The following MARCHF3 variants were observed in gnomAD, a reference collection of about 807,000 sequenced individuals.
MARCHF3 encodes E3 ubiquitin-protein ligase MARCHF3.
MARCHF3 carries 13 observed loss-of-function variants against 24.2 expected under a neutral mutation model. The observed-to-expected ratio is 0.54, with a 90% CI of 0.35 to 0.85. The LOEUF (loss-of-function observed/expected upper bound fraction) is 0.85, where lower values mean the gene tolerates loss of function less well. MARCHF3 is among the 40% of genes least tolerant of loss of function. The pLI is 0.01. For synonymous variants in MARCHF3, 144 were observed against 137.3 expected (o/e 1.05, Z -0.34); for missense variants, 276 against 325.0 (o/e 0.85, Z 1.16).
chr5:126,870,001 T>TGC lies in MARCHF3; in HGVS notation c.*631_*632insGC, dbSNP rs10653982. 0.084 allele frequency: 12,835 copies of TGC among 152,572 alleles called. 1,165 individuals are homozygous for TGC. The highest frequency in any genetic ancestry group is 0.23 in the African/African-American group (9,632 of 41,450). The allele number at this position is 152,572 out of a possible 1,614,324, so 9.5% of individuals were successfully genotyped here. A position where few individuals can be genotyped will look rare whatever the true frequency, so the allele number is the denominator to read the frequency against. On this transcript the variant is annotated 3_prime_UTR_variant, in exon 5 of 5. Transcript: ENST00000308660. ...TAAATAAACAGCTCACTGTGTGAGC[T>TGC]CACGCCCTTTTTCCCTTTAAAAACT...
Position 126,870,606 on chromosome 5 carries a change from TCAAACAAC to T in MARCHF3, c.*19_*26del, listed in dbSNP as rs753330290. On this transcript the variant is annotated 3_prime_UTR_variant, in exon 5 of 5. Coordinates refer to ENST00000308660, the MANE Select transcript of MARCHF3 (RefSeq NM_178450.5). Reference sequence around the variant, plus strand: ...ACACTTCCAAACCCCAAACAATGAATCAAACAACCAACCAACCATACAAACATCAAACA... The same window carrying T: ...ACACTTCCAAACCCCAAACAATGAATCAACCAACCATACAAACATCAAACA... The T allele has an allele frequency of 1.2e-6, 2 of 1,610,534 alleles. No homozygotes were observed. Among genetic ancestry groups the T allele is most frequent in the African/African-American group, 2.7e-5 (2 of 74,716 alleles).
chr5:126,974,945 C>T (rs1177380636), intron 1 of MARCHF3, among the ~76,000 whole-genome samples: 1 of 152,080 alleles, frequency 6.6e-6, no homozygotes, highest in Non-Finnish European at 1.5e-5. Context: ...TGGGATATAA[C>T]ATTCTTTTTT....
At chr5:126,906,717 T>C (rs1444672092) in intron 3 of MARCHF3, among the ~76,000 whole-genome samples, 1 of 152,204 alleles carries the variant, frequency 6.6e-6, no homozygotes, top group Non-Finnish European at 1.5e-5. Context: ...TTTTTTTCTT[T>C]ATTAGTCTTG....
At chr5:126,934,166 TTTC>T (rs1749563992) in intron 1 of MARCHF3, among the ~76,000 whole-genome samples, 2 of 152,314 alleles carry the variant, frequency 1.3e-5, no homozygotes, top group South Asian at 4.1e-4. Context: ...ACCTCTCTAC[TTTC>T]TTCTTATTTA....
chr5:126,979,237 T>C (rs1422851420), intron 1 of MARCHF3, among the ~76,000 whole-genome samples: 1 of 152,176 alleles, frequency 6.6e-6, no homozygotes, highest in Non-Finnish European at 1.5e-5. Context: ...CTGCGGCTCT[T>C]TAGGACATGG....
chr5:126,971,891 T>C (rs915897146), intron 1 of MARCHF3, among the ~76,000 whole-genome samples: 3 of 152,180 alleles, frequency 2.0e-5, no homozygotes, highest in East Asian at 1.9e-4. Context: ...TAAATTACCA[T>C]ATGATTCTTA....
intron 1 of MARCHF3, among the ~76,000 whole-genome samples, chr5:126,926,252 G>A (rs758243762): frequency 6.6e-5 from 10 of 152,114 alleles, no homozygotes; most frequent in Non-Finnish European, 1.0e-4. Context: ...CCTCTTCCTC[G>A]TTTCACCCAG....
At position 126,973,546 on chromosome 5, in the gene MARCHF3, A is replaced by T. The variant is rs2240529; in HGVS notation, c.-56-55319T>A. On this transcript the variant is annotated intron_variant, in intron 1 of 4. Coordinates refer to ENST00000308660, the MANE Select transcript of MARCHF3 (RefSeq NM_178450.5). ...ATCTGAGCTCACCTAGCTAGATGCT[A>T]AAGCAGACAATTGCAGAAGTGCAGA... 8.8e-3 allele frequency among the ~76,000 whole-genome samples: 1,348 copies of T among 152,330 alleles called. 20 individuals carry two copies. Among genetic ancestry groups the T allele is most frequent in the East Asian group, 0.025 (132 of 5,184 alleles).
At chr5:126,903,409 C>T (rs987977935) in intron 3 of MARCHF3, among the ~76,000 whole-genome samples, 3 of 152,034 alleles carry the variant, frequency 2.0e-5, no homozygotes, top group African/African-American at 4.8e-5. Context: ...CACTAGGCTG[C>T]GTTCATGGGT....
chr5:127,006,946 C>T (rs1298630398), intron 1 of MARCHF3, among the ~76,000 whole-genome samples: 3 of 151,912 alleles, frequency 2.0e-5, no homozygotes, highest in Non-Finnish European at 4.4e-5. Context: ...ACCCTGGAAT[C>T]CGTCTCAAGG....
rs892634085 is a variant in MARCHF3, at chr5:127,025,234, C to T, written c.-57+5116G>A. Reference sequence around the variant, plus strand: ...TATAGTGATATTGATCACAGATTTTCCTAAGTACTCCAGGGCAGCCACACT... The same window carrying T: ...TATAGTGATATTGATCACAGATTTTTCTAAGTACTCCAGGGCAGCCACACT... On this transcript the variant is annotated intron_variant, in intron 1 of 4. Coordinates refer to ENST00000308660, the MANE Select transcript of MARCHF3 (RefSeq NM_178450.5). Among the ~76,000 whole-genome samples, 7 of 151,122 alleles carry T rather than the reference C, an allele frequency of 4.6e-5. 1 individual carries two copies. The highest frequency in any genetic ancestry group is 1.3e-4 in the Admixed American group (2 of 15,148).
intron 1 of MARCHF3, among the ~76,000 whole-genome samples, chr5:126,945,504 G>A (rs1749981016): frequency 6.6e-6 from 1 of 152,216 alleles, no homozygotes; most frequent in Non-Finnish European, 1.5e-5. Flanking sequence ...AGAGAGAAGA[G>A]AGTTCCAAGT....
intron 1 of MARCHF3, among the ~76,000 whole-genome samples, chr5:127,005,838 A>C (rs776157545): frequency 2.0e-5 from 3 of 152,186 alleles, no homozygotes; most frequent in Non-Finnish European, 4.4e-5. Context: ...CATATGTACT[A>C]TATTAGGTAC....
chr5:126,874,942 G>A (rs1468728686), intron 4 of MARCHF3, among the ~76,000 whole-genome samples: 2 of 152,186 alleles, frequency 1.3e-5, no homozygotes, highest in Non-Finnish European at 2.9e-5. Context: ...GGGACTGGGA[G>A]TCACACTTTG....
intron 1 of MARCHF3, among the ~76,000 whole-genome samples, chr5:126,991,221 A>G (rs181949539): frequency 1.3e-5 from 2 of 152,350 alleles, no homozygotes; most frequent in East Asian, 3.9e-4. Flanking sequence ...TGCAGCCATA[A>G]CAAAAGATGA....
chr5:127,025,038 A>G (rs1752949156), intron 1 of MARCHF3, among the ~76,000 whole-genome samples: 1 of 152,232 alleles, frequency 6.6e-6, no homozygotes. Context: ...TCATTAGATC[A>G]ATGGTGGTCC....
chr5:126,991,720 C>CA (rs112503606), intron 1 of MARCHF3, among the ~76,000 whole-genome samples: 7,655 of 139,164 alleles, frequency 0.055, 354 homozygotes, highest in South Asian at 0.14. Context: ...GATTCTATTT[C>CA]AAAAAAAAAA....
chr5:126,918,873 C>A (rs754725765), intron 1 of MARCHF3, among the ~76,000 whole-genome samples: 3 of 152,150 alleles, frequency 2.0e-5, no homozygotes, highest in Non-Finnish European at 2.9e-5. Context: ...AAAAATGGAA[C>A]CTATTTTAGC....
intron 1 of MARCHF3, among the ~76,000 whole-genome samples, chr5:126,975,664 T>C (rs1751166950): frequency 6.6e-6 from 1 of 152,164 alleles, no homozygotes; most frequent in Non-Finnish European, 1.5e-5. Context: ...GAGGAAGCCA[T>C]TCTCCCAGGT....
Sources: allele counts gnomAD v4.1 joint callset (sites outside exome capture counted in the v4.1 genomes callset), GRCh38; gene constraint gnomAD v4.1.1; transcripts MANE v1.5; gene names NCBI Gene and HGNC (gene_info 2026-07-23, HGNC 2026-07-21).